Variants in ANXA7 observed in about 807,000 individuals in gnomAD.
The protein encoded by ANXA7 is annexin A7, also known as annexin VII.
ANXA7 carries 55 observed loss-of-function variants against 64.9 expected under a neutral mutation model. That is an observed-to-expected ratio of 0.85 (90% confidence interval 0.68 to 1.06). The LOEUF is 1.06. ANXA7 is among the 50% of genes least tolerant of loss of function. The pLI, the probability that ANXA7 is intolerant of heterozygous loss-of-function variation, is 0.00. For synonymous variants in ANXA7, 200 were observed against 192.4 expected (o/e 1.04, Z -0.33); for missense variants, 548 against 582.1 (o/e 0.94, Z 0.60).
intron 5 of ANXA7, among the ~76,000 whole-genome samples, chr10:73,391,190 G>T (rs553855658): frequency 4.0e-5 from 6 of 150,128 alleles, no homozygotes; most frequent in Non-Finnish European, 5.9e-5. Context: ...AAAAAAAAGA[G>T]AGAAATCAGG....
Position 73,376,155 on chromosome 10 carries a change from C to T in ANXA7, c.1341G>A (p.Met447Ile). ...AATCTCCACTCGTGTCACCTGCAATCATTGTGCCCAGAGTCTTCTGATACA... is the reference window on the plus strand; with the variant it reads ...AATCTCCACTCGTGTCACCTGCAATTATTGTGCCCAGAGTCTTCTGATACA... The part of the protein sequence containing the change: ...AQMYQKTLGT[M>I]IAGDTSGDYR... The change falls in exon 13 of 13, where the codon ATG (methionine) becomes ATA (isoleucine). Residue 447 changes from methionine (M) to isoleucine (I), a missense_variant. Met to Ile is a conservative substitution (Grantham distance 10). Coordinates refer to ENST00000372921, the MANE Select transcript of ANXA7 (RefSeq NM_001156.5). The T allele has an allele frequency of 1.1e-5, 17 of 1,609,300 alleles. No homozygotes were observed. Among genetic ancestry groups the T allele is most frequent in the Non-Finnish European group, 1.4e-5 (17 of 1,177,872 alleles).
Position 73,412,572 on chromosome 10 carries a change from C to A in ANXA7, c.-2+1440G>T, listed in dbSNP as rs535991135. Among the ~76,000 whole-genome samples, 243 of 150,714 alleles carry A rather than the reference C, an allele frequency of 1.6e-3. 1 individual carries two copies. The highest frequency in any genetic ancestry group is 5.5e-3 in the African/African-American group (226 of 40,986). On this transcript the variant is annotated intron_variant, in intron 1 of 12. Transcript: ENST00000372921. ...GTGCAGTGGCGATCTTGGCTCACTG[C>A]AACCTCTGCCTCCCGGGTTCAAGCG... is the stretch of plus-strand genomic sequence containing the variant.
chr10:73,387,519 C>CAAAACAAAACAAAACAAAACAAA (rs145074958), intron 7 of ANXA7, among the ~76,000 whole-genome samples, 170 bp downstream of exon 7: 9 of 151,930 alleles, frequency 5.9e-5, no homozygotes, highest in African/African-American at 1.9e-4. Context: ...CATCTCAAAA[C>CAAAACAAAACAAAACAAAACAAA]AAAACAAAAC....
chr10:73,380,890 T>C (rs1304815242), intron 9 of ANXA7, among the ~76,000 whole-genome samples: 1 of 152,172 alleles, frequency 6.6e-6, no homozygotes, highest in Admixed American at 6.5e-5. Flanking sequence ...CTAAGAGACA[T>C]TAAGCACTTT....
At chr10:73,376,298 C>T (rs912113461) in intron 12 of ANXA7, 81 bp from the exon 13 acceptor site, 79 of 1,326,132 alleles carry the variant, frequency 6.0e-5, no homozygotes, top group Non-Finnish European at 7.7e-5. Context: ...ATAATAAGAT[C>T]TTAATAATAA....
chr10:73,388,889 T>A (rs1327207729), intron 5 of ANXA7, among the ~76,000 whole-genome samples: 2 of 152,228 alleles, frequency 1.3e-5, no homozygotes, highest in Non-Finnish European at 2.9e-5. Context: ...GGACCCTGAT[T>A]ATTATACATG....
chr10:73,391,078 G>T (rs2055473887), intron 5 of ANXA7, among the ~76,000 whole-genome samples: 1 of 151,100 alleles, frequency 6.6e-6, no homozygotes, highest in Non-Finnish European at 1.5e-5. Flanking sequence ...TGAGGCAGGA[G>T]AATCACTTGA....
intron 1 of ANXA7, among the ~76,000 whole-genome samples, chr10:73,405,957 CTT>C (rs1354242598): frequency 2.7e-5 from 4 of 145,966 alleles, no homozygotes; most frequent in Non-Finnish European, 5.9e-5. Context: ...GTATTTTTCT[CTT>C]CTTTTTTTTT....
chr10:73,397,317 T>C (rs1351581531), intron 3 of ANXA7, 43 bp from the exon 4 acceptor site: 4 of 1,288,440 alleles, frequency 3.1e-6, no homozygotes, highest in Non-Finnish European at 4.4e-6. Context: ...ACAGTTCTCA[T>C]GATTGCAGAA....
At chr10:73,413,335 G>A (rs2055873443) in intron 1 of ANXA7, among the ~76,000 whole-genome samples, 1 of 152,188 alleles carries the variant, frequency 6.6e-6, no homozygotes, top group Non-Finnish European at 1.5e-5. Flanking sequence ...AAATCAGGGC[G>A]TTTACGGCAG....
intron 12 of ANXA7, 120 bp from the exon 13 acceptor site, chr10:73,376,337 G>C: frequency 1.0e-6 from 1 of 957,058 alleles, no homozygotes; most frequent in Non-Finnish European, 1.5e-6. Flanking sequence ...AACACCAAGT[G>C]ACTGACATTT....
intron 1 of ANXA7, among the ~76,000 whole-genome samples, chr10:73,412,169 T>G (rs1391634700): frequency 6.6e-6 from 1 of 152,188 alleles, no homozygotes; most frequent in Non-Finnish European, 1.5e-5. Context: ...CCTGAGTAGC[T>G]GGGACTACAG....
chr10:73,390,721 A>ATATATATATATAT (rs1564526498), intron 5 of ANXA7, among the ~76,000 whole-genome samples: 5 of 107,742 alleles, frequency 4.6e-5, no homozygotes, highest in African/African-American at 2.0e-4. Flanking sequence ...TATATATATA[A>ATATATATATATAT]AAATATATAT....
intron 7 of ANXA7, among the ~76,000 whole-genome samples, chr10:73,386,955 G>A (rs1019829028): frequency 2.0e-5 from 3 of 152,116 alleles, no homozygotes; most frequent in Admixed American, 6.5e-5. Context: ...GATTACAGGC[G>A]TAAGCCACCA....
chr10:73,403,252 G>T lies in ANXA7; in HGVS notation c.-1-2395C>A, dbSNP rs548897867. Among the ~76,000 whole-genome samples, 3 of 152,322 alleles carry T rather than the reference G, an allele frequency of 2.0e-5. No individual in the cohort carries two copies. In the East Asian group the frequency reaches 5.8e-4, roughly 29 times the overall value. On this transcript the variant is annotated intron_variant, in intron 1 of 12. Coordinates refer to ENST00000372921, the MANE Select transcript of ANXA7 (RefSeq NM_001156.5). Reference sequence around the variant, plus strand: ...CCTGTAAATCCCAGCACTTTGGAAGGCTGAGGCAGTAGAATCTCTTGCAGC... The same window carrying T: ...CCTGTAAATCCCAGCACTTTGGAAGTCTGAGGCAGTAGAATCTCTTGCAGC...
chr10:73,407,183 TCTC>T (rs775284237), intron 1 of ANXA7, among the ~76,000 whole-genome samples: 2 of 152,190 alleles, frequency 1.3e-5, no homozygotes, highest in Non-Finnish European at 2.9e-5. Context: ...TTCAAGCGAT[TCTC>T]CTCCTTTAGC....
chr10:73,398,276 G>A lies in ANXA7; in HGVS notation c.164C>T (p.Pro55Leu), dbSNP rs2055608462. The A allele has an allele frequency of 1.2e-6, 2 of 1,613,890 alleles. No individual in the cohort carries two copies. The highest frequency in any genetic ancestry group is 1.7e-5 in the Admixed American group (1 of 59,986). Reference protein sequence around the residue: ...AYPQVPSSGYPGAGGYPAPGG... With the variant: ...AYPQVPSSGYLGAGGYPAPGG... ...AGGCGCAGGGTAGCCTCCAGCTCCT[G>A]GGTAGCCACTACTTGGCACTTGTGG... Residue 55 changes from proline (P) to leucine (L), a missense_variant, in exon 3 of 13, where the codon CCA becomes CTA. By Grantham distance (98) the Pro-to-Leu change is moderately conservative. Transcript: ENST00000372921.
At chr10:73,395,997 C>T in intron 5 of ANXA7, 1 of 1,155,560 alleles carries the variant, frequency 8.7e-7, no homozygotes, top group Non-Finnish European at 1.3e-6. Flanking sequence ...AACAAAGGCA[C>T]ATATAAAGGA....
intron 9 of ANXA7, among the ~76,000 whole-genome samples, chr10:73,382,046 T>C (rs1333387798): frequency 6.6e-6 from 1 of 152,166 alleles, no homozygotes; most frequent in East Asian, 1.9e-4. Context: ...GGCTAATTTT[T>C]TGTATTTAGT....
Sources: allele counts gnomAD v4.1 joint callset (sites outside exome capture counted in the v4.1 genomes callset), GRCh38; gene constraint gnomAD v4.1.1; transcripts MANE v1.5; gene names NCBI Gene and HGNC (gene_info 2026-07-23, HGNC 2026-07-21).